The following TACC3 variants were observed in gnomAD, a reference collection of about 807,000 sequenced individuals.
TACC3 encodes the protein transforming acidic coiled-coil containing protein 3.
A neutral mutation model predicts 86.0 loss-of-function variants in TACC3; 52 were observed. That is an observed-to-expected ratio of 0.60 (90% CI 0.48 to 0.76). The LOEUF is 0.76. TACC3 is among the 30% of genes least tolerant of loss of function. TACC3 has a pLI of 0.00. For missense variants in TACC3, 1,120 were observed against 1,070.4 expected, an observed-to-expected ratio of 1.05 and a Z score of -0.65; for synonymous variants, 512 against 430.0, an observed-to-expected ratio of 1.19 and a Z score of -2.36.
In TACC3 at chr4:1,737,589, C is replaced by T. The variant is rs1468885826; in HGVS notation, c.1837-9C>T. ...AAATGGGTTCCTGTTTCATCCCCAT[C>T]TCCCGCAGGTGCCAGGCCCACCCCC... On this transcript the variant is annotated splice_polypyrimidine_tract_variant and intron_variant, in intron 9 of 15. Transcript: ENST00000313288. 9 of 1,496,616 alleles carry T rather than the reference C, an allele frequency of 6.0e-6. No individual in the cohort carries two copies. The South Asian group carries it at 1.1e-4, about 18-fold the overall frequency. The allele number at this position is 1,496,616 out of a possible 1,614,324, so 92.7% of individuals were successfully genotyped here.
Position 1,735,886 on chromosome 4 carries a change from G to A in TACC3, c.1748+52G>A. On this transcript the variant is annotated intron_variant, in intron 8 of 15. Transcript: ENST00000313288. The surrounding 1 kb of genome is among the most constrained non-coding windows in gnomAD (Gnocchi z 4.2). ...ATGAAGCCTTGAGTGTGGGAAGACT[G>A]GAGGCTGTTCCTAGGTGTGCTGTCT... 5.3e-6 allele frequency: 7 copies of A among 1,314,118 alleles called. No individual in the cohort carries two copies. Among genetic ancestry groups the A allele is most frequent in the Non-Finnish European group, 7.5e-6 (7 of 936,314 alleles). The allele number at this position is 1,314,118 out of a possible 1,614,324, so 81.4% of individuals were successfully genotyped here. A position where few individuals can be genotyped will look rare whatever the true frequency, so the allele number is the denominator to read the frequency against.
At position 1,744,742 on chromosome 4, in the gene TACC3, C is replaced by A; in HGVS notation, c.2361C>A (p.Ser787Arg). ...LANEEIAQVR[S>R]KAQAEALALQ... ...ACGAGGAGATCGCCCAGGTCCGGAG[C>A]AAGGCCCAGGCGGAAGCGTTGGCCC... The change falls in exon 15 of 16, where the codon AGC (serine) becomes AGA (arginine). Residue 787 changes from serine to arginine, a missense_variant. Physicochemically the swap from Ser to Arg is moderately radical, Grantham distance 110. Coordinates refer to ENST00000313288, the MANE Select transcript of TACC3 (RefSeq NM_006342.3). 6.2e-7 allele frequency: 1 copy of A among 1,612,702 alleles called. No homozygotes were observed. The highest frequency in any genetic ancestry group is 8.5e-7 in the Non-Finnish European group (1 of 1,180,008).
chr4:1,723,903 T>G (rs751594246), intron 3 of TACC3, 33 bp downstream of exon 3: 3 of 1,609,572 alleles, frequency 1.9e-6, no homozygotes, highest in Non-Finnish European at 2.5e-6. Flanking sequence ...ATGCTGGAGC[T>G]TCACCCTCTC....
At chr4:1,739,551 TCCCAGGGTC>T in intron 10 of TACC3, 142 bp from the exon 11 acceptor site, 3 of 713,472 alleles carry the variant, frequency 4.2e-6, no homozygotes, top group Non-Finnish European at 6.9e-6. Context: ...TCGACAGGGT[TCCCAGGGTC>T]CCACTGGAAG....
intron 8 of TACC3, among the ~76,000 whole-genome samples, chr4:1,736,422 CAAAAAA>C (rs1164866581): frequency 1.7e-4 from 11 of 65,838 alleles, no homozygotes; most frequent in African/African-American, 7.4e-4. Context: ...GACTCCATCT[CAAAAAA>C]AAAAAAAAAA....
rs1182419389 is a variant in TACC3, at chr4:1,740,809, G to A, written c.2063-17G>A. Reference sequence around the variant, plus strand: ...GGTTGCCTCCTCATCCTGAACGTTTGCTTTTCTTTTCTCAAGAGGAAGTTC... The same window carrying A: ...GGTTGCCTCCTCATCCTGAACGTTTACTTTTCTTTTCTCAAGAGGAAGTTC... On this transcript the variant is annotated splice_polypyrimidine_tract_variant and intron_variant, in intron 12 of 15. Coordinates refer to ENST00000313288, the MANE Select transcript of TACC3 (RefSeq NM_006342.3). 6.2e-7 allele frequency: 1 copy of A among 1,601,598 alleles called. No homozygotes were observed. The highest frequency in any genetic ancestry group is 1.8e-5 in the Admixed American group (1 of 57,052).
At chr4:1,736,718 G>A (rs1317006376) in intron 8 of TACC3, among the ~76,000 whole-genome samples, 1 of 152,034 alleles carries the variant, frequency 6.6e-6, no homozygotes, top group Non-Finnish European at 1.5e-5. Flanking sequence ...AGACCAGCCT[G>A]GCCAACATAG....
intron 1 of TACC3, chr4:1,723,060 C>T: frequency 5.2e-6 from 1 of 193,118 alleles, no homozygotes; most frequent in South Asian, 8.8e-5. Context: ...TTCTTATTGG[C>T]CCGGGCTTTT....
rs1436829788 is a variant in TACC3 at position 1,728,545 on chromosome 4, G to A, written c.1143G>A (p.Val381=). Reference sequence around the variant, plus strand: ...GGCAGCAAAAGGCCCCGCAGGAGGTGGAGGAGGACGACGGTAGGAGCGGAG... The same window carrying A: ...GGCAGCAAAAGGCCCCGCAGGAGGTAGAGGAGGACGACGGTAGGAGCGGAG... ...AVRQQKAPQE[V]EEDDGRSGAG... is the part of the protein sequence containing the mutation. The change falls in exon 4 of 16, where the codon GTG becomes GTA. Residue 381 remains valine (V), a synonymous_variant. Transcript: ENST00000313288. 6.2e-7 allele frequency: 1 copy of A among 1,613,996 alleles called. No homozygotes were observed. Among genetic ancestry groups the A allele is most frequent in the East Asian group, 2.2e-5 (1 of 44,892 alleles).
Position 1,730,943 on chromosome 4 carries a change from C to T in TACC3, c.1442C>T (p.Thr481Ile), listed in dbSNP as rs541201025. The T allele has an allele frequency of 2.2e-5, 35 of 1,613,312 alleles. No homozygotes were observed. The highest frequency in any genetic ancestry group is 2.5e-5 in the Non-Finnish European group (29 of 1,180,028). ...CCTGTGGTGCAGTTGGCAGCCGAGACCCCAACAGCAGAGAGCAAGGTAAGG... is the reference window on the plus strand; with the variant it reads ...CCTGTGGTGCAGTTGGCAGCCGAGATCCCAACAGCAGAGAGCAAGGTAAGG... ...DTPVVQLAAE[T>I]PTAESKERAL... The change falls in exon 5 of 16, where the codon ACC (threonine) becomes ATC (isoleucine). Residue 481 changes from threonine to isoleucine, a missense_variant. Thr to Ile is a moderately conservative substitution (Grantham distance 89). Transcript: ENST00000313288.
chr4:1,731,573 C>T (rs763244457), intron 6 of TACC3, among the ~76,000 whole-genome samples: 8 of 152,152 alleles, frequency 5.3e-5, no homozygotes, highest in Non-Finnish European at 7.3e-5. Context: ...ATGCAGTGCG[C>T]TAATGAGATA....
Position 1,735,753 on chromosome 4 carries a change from A to G in TACC3, c.1667A>G (p.Lys556Arg). Residue 556 changes from lysine (K) to arginine (R), a missense_variant, in exon 8 of 16, where the codon AAG becomes AGG. Physicochemically the swap from Lys to Arg is conservative, Grantham distance 26. Transcript: ENST00000313288. The surrounding 1 kb of genome is among the most constrained non-coding windows in gnomAD (Gnocchi z 4.2). ...CAGTTTAAGGAGTCGGCCTTGAGGA[A>G]GCAGTCCTTATACCTCAAGTTCGAC... ...TSSFKESALRKQSLYLKFDPL... is the reference protein window; with the variant it reads ...TSSFKESALRRQSLYLKFDPL... 6.2e-7 allele frequency: 1 copy of G among 1,613,166 alleles called. No individual in the cohort carries two copies. Among genetic ancestry groups the G allele is most frequent in the Non-Finnish European group, 8.5e-7 (1 of 1,179,814 alleles).
At position 1,737,261 on chromosome 4, in the gene TACC3, C is replaced by T. The variant is rs1718318964; in HGVS notation, c.1769C>T (p.Thr590Ile). 4 of 1,614,140 alleles carry T rather than the reference C, an allele frequency of 2.5e-6. No homozygotes were observed. Among genetic ancestry groups the T allele is most frequent in the South Asian group, 1.1e-5 (1 of 91,084 alleles). Reference protein sequence around the residue: ...ETSSMHGANETPSGRPREAKL... With the variant: ...ETSSMHGANEIPSGRPREAKL... ...GGCAGCATGCACGGTGCAAATGAGA[C>T]TCCCTCAGGACGTCCGCGGGAAGCC... The change falls in exon 9 of 16, where the codon ACT becomes ATT. Residue 590 changes from threonine (T) to isoleucine (I), a missense_variant. Physicochemically the swap from Thr to Ile is moderately conservative, Grantham distance 89. Coordinates refer to ENST00000313288, the MANE Select transcript of TACC3 (RefSeq NM_006342.3).
At chr4:1,740,423 T>C (rs113368208) in intron 12 of TACC3, 45,683 of 340,960 alleles carry the variant, frequency 0.13, 3,774 homozygotes, top group Non-Finnish European at 0.17. Flanking sequence ...GGTGCTACTG[T>C]GGGGATCTGT....
intron 2 of TACC3, 72 bp from the exon 3 acceptor site, chr4:1,723,656 G>T (rs761443089): frequency 8.1e-6 from 13 of 1,611,110 alleles, no homozygotes; most frequent in South Asian, 3.3e-5. Context: ...CCTCTGAGCT[G>T]CAGGACACTG....
Position 1,735,636 on chromosome 4 carries a change from G to C in TACC3, c.1645-95G>C. 1.0e-6 allele frequency: 1 copy of C among 986,162 alleles called. No homozygotes were observed. The highest frequency in any genetic ancestry group is 1.6e-6 in the Non-Finnish European group (1 of 625,210). The allele number at this position is 986,162 out of a possible 1,614,324, so 61.1% of individuals were successfully genotyped here. A position where few individuals can be genotyped will look rare whatever the true frequency, so the allele number is the denominator to read the frequency against. On this transcript the variant is annotated intron_variant, in intron 7 of 15. Coordinates refer to ENST00000313288, the MANE Select transcript of TACC3 (RefSeq NM_006342.3). The surrounding 1 kb of genome is among the most constrained non-coding windows in gnomAD (Gnocchi z 4.2). ...GGGGGTGGGAGTGTGCGGGTGACCGGGGGTGGGAGTGTGCAGGTGACCTCC... is the reference window on the plus strand; with the variant it reads ...GGGGGTGGGAGTGTGCGGGTGACCGCGGGTGGGAGTGTGCAGGTGACCTCC...
At chr4:1,744,423 G>A in intron 13 of TACC3, 95 bp from the exon 14 acceptor site, 2 of 1,182,412 alleles carry the variant, frequency 1.7e-6, no homozygotes, top group Non-Finnish European at 2.4e-6. Flanking sequence ...TGATGCCCCA[G>A]ACAGCCTCGA....
chr4:1,744,476 C>A, intron 13 of TACC3, 42 bp from the exon 14 acceptor site: 1 of 1,578,112 alleles, frequency 6.3e-7, no homozygotes, highest in Non-Finnish European at 8.7e-7. Context: ...TGCTCTCCAG[C>A]AGACGGCGTG....
rs78833872 is a variant in TACC3 at position 1,728,652 on chromosome 4, C to T, written c.1250C>T (p.Pro417Leu). Residue 417 changes from proline to leucine, a missense_variant, in exon 4 of 16, where the codon CCG (proline) becomes CTG (leucine). Pro to Leu is a moderately conservative substitution (Grantham distance 98). Transcript: ENST00000313288. ...AAAATGGATGACCCAAACTTCATCC[C>T]GTTCGGAGGTGACACCAAGTCTGGT... is the stretch of plus-strand genomic sequence containing the variant. ...WDKMDDPNFI[P>L]FGGDTKSGCS... 9.4e-4 allele frequency: 1,521 copies of T among 1,613,868 alleles called. 5 individuals are homozygous for T. In the Middle Eastern group the frequency reaches 0.015, roughly 16 times the overall value.
Sources: allele counts gnomAD v4.1 joint callset (sites outside exome capture counted in the v4.1 genomes callset), GRCh38; gene constraint gnomAD v4.1.1; non-coding constraint Gnocchi (gnomAD v3.1); transcripts MANE v1.5; gene names NCBI Gene and HGNC (gene_info 2026-07-23, HGNC 2026-07-21).